HDC: variants seen among roughly 807,000 people sequenced by gnomAD.
HDC encodes histidine decarboxylase.
In HDC, 27 loss-of-function variants were observed where a neutral mutation model predicts 64.4. The ratio of observed to expected loss-of-function variants is 0.42; its 90% CI spans 0.31 to 0.58. The LOEUF is 0.58. Ranked by LOEUF, HDC falls within the 20% of genes least tolerant of loss-of-function variation. The probability of loss-of-function intolerance (pLI) is 0.16; values close to 1 mark genes in which losing one functional copy is unlikely to be tolerated. For synonymous variants in HDC, 305 were observed against 314.2 expected, an observed-to-expected ratio of 0.97 and a Z score of 0.31; for missense variants, 711 against 833.9, an observed-to-expected ratio of 0.85 and a Z score of 1.81.
At chr15:50,253,177 G>A (rs988775173) in intron 7 of HDC, 1 of 374,818 alleles carries the variant, frequency 2.7e-6, no homozygotes, top group African/African-American at 2.1e-5. Flanking sequence ...AGTCCCATCT[G>A]GGTTTCCTCT....
In HDC at chr15:50,248,037, G is replaced by A. The variant is rs1008677766; in HGVS notation, c.1140+208C>T. 5.3e-5 allele frequency among the ~76,000 whole-genome samples: 8 copies of A among 152,220 alleles called. No homozygotes were observed. Among genetic ancestry groups the A allele is most frequent in the Admixed American group, 2.0e-4 (3 of 15,278 alleles). On this transcript the variant is annotated intron_variant, in intron 10 of 11. Coordinates refer to ENST00000267845, the MANE Select transcript of HDC (RefSeq NM_002112.4). The surrounding 1 kb of genome is among the most constrained non-coding windows in gnomAD (Gnocchi z 4.3). ...ACGGTGAGACACTCAGCAGAGGACA[G>A]GCATCAGGCAGCCCTCAGGGCATGT...
intron 3 of HDC, 98 bp from the exon 4 acceptor site, chr15:50,257,645 G>T: frequency 7.1e-7 from 1 of 1,401,280 alleles, no homozygotes; most frequent in Non-Finnish European, 1.0e-6. Flanking sequence ...GTGTCAATGG[G>T]AACATTTCTG....
chr15:50,244,285 C>CTTTTTTT (rs554623599), intron 10 of HDC, among the ~76,000 whole-genome samples: 6 of 105,176 alleles, frequency 5.7e-5, no homozygotes, highest in African/African-American at 2.2e-4. Context: ...AGCTGAACCT[C>CTTTTTTT]TTTTTTTTTT....
At position 50,242,683 on chromosome 15, in the gene HDC, G is replaced by A. The variant is rs1255516339; in HGVS notation, c.1566C>T (p.Ile522=). 3.1e-6 allele frequency: 5 copies of A among 1,614,164 alleles called. No individual in the cohort carries two copies. The highest frequency in any genetic ancestry group is 3.4e-6 in the Non-Finnish European group (4 of 1,180,036). The part of the protein sequence containing the change: ...AGDDPVQARK[I]IKQPQRVGAG... ...CTCCCACACGCTGAGGCTGCTTGAT[G>A]ATCTTCCTGGCCTGGACTGGATCAT... Residue 522 remains isoleucine (I), a synonymous_variant, in exon 12 of 12, where the codon ATC becomes ATT. Coordinates refer to ENST00000267845, the MANE Select transcript of HDC (RefSeq NM_002112.4).
intron 2 of HDC, 60 bp from the exon 3 acceptor site, chr15:50,258,577 T>G: frequency 2.1e-6 from 2 of 966,578 alleles, no homozygotes; most frequent in Non-Finnish European, 3.3e-6. Context: ...GCTTTCTTTC[T>G]CCAGAGACCA....
Position 50,244,285 on chromosome 15 carries a change from C to CTTTTTT in HDC, c.1141-1047_1141-1042dup, listed in dbSNP as rs554623599. 1.9e-3 allele frequency among the ~76,000 whole-genome samples: 203 copies of CTTTTTT among 105,158 alleles called. 3 individuals carry two copies. The highest frequency in any genetic ancestry group is 7.0e-3 in the African/African-American group (195 of 27,826). 69.0% of individuals were successfully genotyped at this position (105,158 alleles called of 152,430 possible). On this transcript the variant is annotated intron_variant, in intron 10 of 11. Coordinates refer to ENST00000267845, the MANE Select transcript of HDC (RefSeq NM_002112.4). Reference sequence around the variant, plus strand: ...GAGGGCAAGGGAGTTAGCTGAACCTCTTTTTTTTTTTTTTTTTTTTTTTTT... The same window carrying CTTTTTT: ...GAGGGCAAGGGAGTTAGCTGAACCTCTTTTTTTTTTTTTTTTTTTTTTTTTTTTTTT...
At chr15:50,250,542 G>A (rs1325864231) in intron 9 of HDC, among the ~76,000 whole-genome samples, 2 of 152,086 alleles carry the variant, frequency 1.3e-5, no homozygotes, top group South Asian at 2.1e-4. Context: ...AATGAACCCC[G>A]GGAAGATCCT....
rs1338625312 is a variant in HDC, at chr15:50,248,761, GT to G, written c.1042-419del. ...TATTCCTCCCAAAATGTAAAGTATG[GT>G]AGTTAGAGCACAGACACTAGAGCCC... On this transcript the variant is annotated intron_variant, in intron 9 of 11. Transcript: ENST00000267845. The surrounding 1 kb of genome is among the most constrained non-coding windows in gnomAD (Gnocchi z 4.3). Among the ~76,000 whole-genome samples, 2 of 152,154 alleles carry G rather than the reference GT, an allele frequency of 1.3e-5. No homozygotes were observed. The highest frequency in any genetic ancestry group is 2.9e-5 in the Non-Finnish European group (2 of 68,036).
In HDC at chr15:50,252,695, A is replaced by G. The variant is rs1380103991; in HGVS notation, c.867T>C (p.Phe289=). 6.2e-7 allele frequency: 1 copy of G among 1,614,154 alleles called. No individual in the cohort carries two copies. Among genetic ancestry groups the G allele is most frequent in the Non-Finnish European group, 8.5e-7 (1 of 1,180,020 alleles). Residue 289 remains phenylalanine (F), a synonymous_variant, in exon 8 of 12, where the codon TTT becomes TTC. Coordinates refer to ENST00000267845, the MANE Select transcript of HDC (RefSeq NM_002112.4). The part of the protein sequence containing the change: ...TAFLCPEFRG[F]LKGIEYADSF... ...AGTCGGCATACTCAATCCCCTTCAG[A>G]AACCCCCGGAACTCGGGGCACAGGA... is the stretch of plus-strand genomic sequence containing the variant.
rs542486289 is a variant in HDC at position 50,254,776 on chromosome 15, C to CTCTG, written c.442-113_442-112insCAGA. 9.2e-4 allele frequency: 761 copies of CTCTG among 825,716 alleles called. 2 individuals carry two copies. The highest frequency in any genetic ancestry group is 6.2e-3 in the African/African-American group (348 of 55,886). The allele number at this position is 825,716 out of a possible 1,614,324, so 51.1% of individuals were successfully genotyped here. A position where few individuals can be genotyped will look rare whatever the true frequency, so the allele number is the denominator to read the frequency against. ...TCTCTCTCTCTCTCTCTCTCTCTCT[C>CTCTG]TGTGTGTGTATGTGTTTGTGTATGT... is the stretch of plus-strand genomic sequence containing the variant. On this transcript the variant is annotated intron_variant, in intron 4 of 11. Transcript: ENST00000267845.
rs751334188 is a variant in HDC, at chr15:50,254,265, G to A, written c.585C>T (p.Ser195=). The change falls in exon 6 of 12, where the codon TCC becomes TCT. Residue 195 remains serine, a synonymous_variant. Transcript: ENST00000267845. ...LVAYASDQAH[S]SVEKAGLISL... The stretch of plus-strand genomic sequence containing the variant: ...AAATCAAACCAGCCTTTTCCACAGA[G>A]GAGTGAGCCTAGAAGGGCCACAGAA... 37 of 1,614,014 alleles carry A rather than the reference G, an allele frequency of 2.3e-5. No individual in the cohort carries two copies. Among genetic ancestry groups the A allele is most frequent in the Non-Finnish European group, 3.0e-5 (35 of 1,180,016 alleles).
chr15:50,251,201 A>G (rs2045549578), intron 9 of HDC, among the ~76,000 whole-genome samples: 1 of 152,250 alleles, frequency 6.6e-6, no homozygotes, highest in African/African-American at 2.4e-5. Context: ...ACAAGTTAGT[A>G]AACAGAAAGC....
chr15:50,252,982 A>G (rs1595706028), intron 7 of HDC: 2 of 604,694 alleles, frequency 3.3e-6, no homozygotes, highest in East Asian at 5.6e-5. Flanking sequence ...AAAGTCTACA[A>G]AGCCTCACCC....
At chr15:50,252,799 C>T (rs200618459) in intron 7 of HDC, 25 bp from the exon 8 acceptor site, 139 of 1,600,556 alleles carry the variant, frequency 8.7e-5, no homozygotes, top group Middle Eastern at 1.7e-4. Context: ...ATCACCTGGC[C>T]GGAGGGGAGG....
intron 3 of HDC, among the ~76,000 whole-genome samples, chr15:50,257,904 A>G (rs1379689910): frequency 3.6e-5 from 3 of 83,886 alleles, no homozygotes. Flanking sequence ...ACCCCCGCCC[A>G]CCCACCCACA....
At chr15:50,245,875 AAC>A (rs2045475457) in intron 10 of HDC, among the ~76,000 whole-genome samples, 1 of 152,082 alleles carries the variant, frequency 6.6e-6, no homozygotes, top group South Asian at 2.1e-4. Context: ...CAGCCTGAGC[AAC>A]AGAGACCTCA....
chr15:50,254,666 T>C lies in HDC; in HGVS notation c.442-2A>G, dbSNP rs1455060099. 6.2e-7 allele frequency: 1 copy of C among 1,614,138 alleles called. No individual in the cohort carries two copies. Among genetic ancestry groups the C allele is most frequent in the Admixed American group, 1.7e-5 (1 of 60,020 alleles). ...CAAAGTGGATTCACTGACCGTGCTC[T>C]GCAGGGGAAAAGGATTATCATGGCA... On this transcript the variant is annotated splice_acceptor_variant, in intron 4 of 11. Transcript: ENST00000267845. LOFTEE classifies it high-confidence loss of function.
chr15:50,244,285 C>CTTTTTTTTT (rs554623599), intron 10 of HDC, among the ~76,000 whole-genome samples: 1 of 105,174 alleles, frequency 9.5e-6, no homozygotes, highest in African/African-American at 3.6e-5. Context: ...AGCTGAACCT[C>CTTTTTTTTT]TTTTTTTTTT....
chr15:50,263,112 G>A, intron 2 of HDC, 123 bp downstream of exon 2: 1 of 950,566 alleles, frequency 1.1e-6, no homozygotes, highest in Non-Finnish European at 1.7e-6. Flanking sequence ...GGGTGTTGGT[G>A]GCCAAGTGGC....
Sources: allele counts gnomAD v4.1 joint callset (sites outside exome capture counted in the v4.1 genomes callset), GRCh38; gene constraint gnomAD v4.1.1; non-coding constraint Gnocchi (gnomAD v3.1); transcripts MANE v1.5; gene names NCBI Gene and HGNC (gene_info 2026-07-23, HGNC 2026-07-21).